PHF12: variants seen among roughly 807,000 people sequenced by gnomAD.
The protein encoded by PHF12 is PHD factor 1.
A neutral mutation model predicts 99.8 loss-of-function variants in PHF12; 6 were observed. That is an observed-to-expected ratio of 0.06 (90% CI 0.03 to 0.12). The LOEUF (loss-of-function observed/expected upper bound fraction) is 0.12. Among genes scored for constraint, PHF12 ranks in the 10% least tolerant of loss-of-function variants. The pLI is 1.00. For synonymous variants in PHF12, 480 were observed against 514.9 expected (o/e 0.93, Z 0.92); for missense variants, 954 against 1,300.1 (o/e 0.73, Z 4.09).
At position 28,949,164 on chromosome 17, in the gene PHF12, G is replaced by A. The variant is rs939390108; in HGVS notation, c.248+901C>T. On this transcript the variant is annotated intron_variant, in intron 2 of 14. Transcript: ENST00000332830. The surrounding 1 kb of genome is among the most constrained non-coding windows in gnomAD (Gnocchi z 4.6). The stretch of plus-strand genomic sequence containing the variant: ...TTAAAAATGCCTTTCTAGTGCCACC[G>A]CACACAATCCTCCCTCTGGCAGCAA... Among the ~76,000 whole-genome samples, 1 of 152,160 alleles carries A rather than the reference G, an allele frequency of 6.6e-6. No homozygotes were observed. The highest frequency in any genetic ancestry group is 1.5e-5 in the Non-Finnish European group (1 of 68,024).
chr17:28,924,310 A>C lies in PHF12; in HGVS notation c.322-8T>G. ...CTTTTTCTGCTCTCGTTTCTGTGCA[A>C]ATGAACAGGTGGGCCCATCATGAAA... On this transcript the variant is annotated splice_region_variant and splice_polypyrimidine_tract_variant and intron_variant, in intron 3 of 14. Coordinates refer to ENST00000332830, the MANE Select transcript of PHF12 (RefSeq NM_001033561.2). 6.2e-7 allele frequency: 1 copy of C among 1,614,170 alleles called. No individual in the cohort carries two copies. Among genetic ancestry groups the C allele is most frequent in the Non-Finnish European group, 8.5e-7 (1 of 1,180,032 alleles).
chr17:28,906,628 A>G lies in PHF12; in HGVS notation c.2681-111T>C. The G allele has an allele frequency of 1.5e-6, 2 of 1,297,116 alleles. No homozygotes were observed. Among genetic ancestry groups the G allele is most frequent in the Non-Finnish European group, 2.1e-6 (2 of 947,090 alleles). The allele number at this position is 1,297,116 out of a possible 1,614,324, so 80.4% of individuals were successfully genotyped here. On this transcript the variant is annotated intron_variant, in intron 14 of 14. Coordinates refer to ENST00000332830, the MANE Select transcript of PHF12 (RefSeq NM_001033561.2). The surrounding 1 kb of genome is among the most constrained non-coding windows in gnomAD (Gnocchi z 4.2). ...TCCCCATTCCAACTGCTGCATGACT[A>G]GGGAGGAAGGATGCTCAGAAAGGGT...
chr17:28,951,474 G>A lies in PHF12; in HGVS notation c.-514C>T, dbSNP rs556251645. The stretch of plus-strand genomic sequence containing the variant: ...CACTTGGCGCAAACTTACCGCGAGC[G>A]CCCGCAAAGCCACCCGCGCAGGCGC... On this transcript the variant is annotated 5_prime_UTR_variant, in exon 1 of 15. Transcript: ENST00000332830. The A allele has an allele frequency of 3.0e-6, 3 of 985,478 alleles. No individual in the cohort carries two copies. Among genetic ancestry groups the A allele is most frequent in the Non-Finnish European group, 3.6e-6 (3 of 829,952 alleles). The allele number at this position is 985,478 out of a possible 1,614,324, so 61.0% of individuals were successfully genotyped here. A position where few individuals can be genotyped will look rare whatever the true frequency, so the allele number is the denominator to read the frequency against.
intron 11 of PHF12, chr17:28,909,319 T>C (rs1598115932): frequency 1.3e-5 from 2 of 159,310 alleles, no homozygotes; most frequent in South Asian, 3.6e-4. Context: ...TAGCTCTGCA[T>C]TTCTTTTGCT....
intron 6 of PHF12, among the ~76,000 whole-genome samples, chr17:28,918,609 A>T (rs527563169): frequency 6.4e-4 from 97 of 152,268 alleles, no homozygotes; most frequent in African/African-American, 2.3e-3. Flanking sequence ...CTCCCATTCA[A>T]TCTTGTGAGT....
chr17:28,945,126 T>C (rs1306435468), intron 2 of PHF12: 1 of 152,156 alleles, frequency 6.6e-6, no homozygotes, highest in Non-Finnish European at 1.5e-5. Flanking sequence ...CCCAGCATGG[T>C]GGAATGTTCC....
chr17:28,907,047 G>A (rs1398015405), intron 13 of PHF12, 53 bp from the exon 14 acceptor site: 1 of 1,545,078 alleles, frequency 6.5e-7, no homozygotes, highest in Non-Finnish European at 8.8e-7. Flanking sequence ...GGGGCCTGGG[G>A]CTAAGGGGAG....
chr17:28,915,047 A>G (rs1366873057), intron 7 of PHF12, among the ~76,000 whole-genome samples: 1 of 152,222 alleles, frequency 6.6e-6, no homozygotes, highest in Non-Finnish European at 1.5e-5. Context: ...GAAGAGAAGC[A>G]TGTCTAAGGT....
In PHF12 at chr17:28,906,989, G is replaced by A. The variant is rs1312086096; in HGVS notation, c.2547C>T (p.Thr849=). Residue 849 remains threonine, a synonymous_variant, in exon 14 of 15, where the codon ACC becomes ACT. Transcript: ENST00000332830. This position sits in a 1 kb window ranked among gnomAD's most constrained non-coding sequence, Gnocchi z 4.2. The part of the protein sequence containing the change: ...KHACIFYDEN[T]KHYELLNYSE... ...TGTAGTTTAACAGCTCATAATGTTT[G>A]GTATTCTGAGGAGGAGGAGGGGAGA... 1 of 1,606,068 alleles carries A rather than the reference G, an allele frequency of 6.2e-7. No homozygotes were observed. Among genetic ancestry groups the A allele is most frequent in the African/African-American group, 1.3e-5 (1 of 74,714 alleles).
intron 2 of PHF12, among the ~76,000 whole-genome samples, chr17:28,946,445 C>T (rs937055197): frequency 2.6e-5 from 4 of 152,042 alleles, no homozygotes; most frequent in African/African-American, 9.7e-5. Flanking sequence ...ACAATTAAAA[C>T]AGCTTATTTG....
chr17:28,936,477 G>A (rs1257599465), intron 2 of PHF12, among the ~76,000 whole-genome samples: 1 of 152,170 alleles, frequency 6.6e-6, no homozygotes, highest in Non-Finnish European at 1.5e-5. Flanking sequence ...GGAACACTAT[G>A]TAAATAGCAT....
At chr17:28,947,028 G>A (rs1007858349) in intron 2 of PHF12, among the ~76,000 whole-genome samples, 2 of 151,960 alleles carry the variant, frequency 1.3e-5, no homozygotes, top group Non-Finnish European at 2.9e-5. Flanking sequence ...CTGTCACCTA[G>A]GCTGGGGTGC....
In PHF12 at chr17:28,923,653, CAAAA is replaced by C. The variant is rs35263191; in HGVS notation, c.715+252_715+255del. Among the ~76,000 whole-genome samples the C allele has an allele frequency of 6.4e-4, 28 of 43,484 alleles. 1 individual carries two copies. Among genetic ancestry groups the C allele is most frequent in the African/African-American group, 2.5e-3 (26 of 10,382 alleles). The allele number at this position is 43,484 out of a possible 152,430, so 28.5% of individuals were successfully genotyped here. On this transcript the variant is annotated intron_variant, in intron 4 of 14. Transcript: ENST00000332830. Reference sequence around the variant, plus strand: ...AGCCTGAGTGACAAAGTGAGACTCACAAAAAAAAAAAAAAAAAAAAAAGGAAAAA... The same window carrying C: ...AGCCTGAGTGACAAAGTGAGACTCACAAAAAAAAAAAAAAAAAAGGAAAAA...
intron 2 of PHF12, among the ~76,000 whole-genome samples, chr17:28,932,243 C>T (rs372571165): frequency 6.6e-6 from 1 of 151,408 alleles, no homozygotes; most frequent in African/African-American, 2.4e-5. Flanking sequence ...GCAGTCCTCC[C>T]ACCTCAGCCT....
intron 4 of PHF12, 128 bp downstream of exon 4, chr17:28,923,781 A>G (rs2040214041): frequency 8.5e-7 from 1 of 1,182,984 alleles, no homozygotes; most frequent in Non-Finnish European, 1.2e-6. Context: ...GATCTCTCCA[A>G]GCAGAACTAG....
intron 11 of PHF12, 178 bp from the exon 12 acceptor site, chr17:28,909,059 C>T: frequency 1.6e-6 from 1 of 618,864 alleles, no homozygotes; most frequent in Non-Finnish European, 2.9e-6. Flanking sequence ...CTCTCCCCAC[C>T]CACAGCATTT....
chr17:28,917,483 C>T (rs767683202), intron 6 of PHF12, 34 bp from the exon 7 acceptor site: 4 of 1,561,570 alleles, frequency 2.6e-6, no homozygotes, highest in South Asian at 2.4e-5. Context: ...TTGTGGTGAG[C>T]CTCAAAAGGC....
chr17:28,931,060 C>T (rs899981501), intron 2 of PHF12, among the ~76,000 whole-genome samples: 1 of 151,912 alleles, frequency 6.6e-6, no homozygotes, highest in Non-Finnish European at 1.5e-5. Context: ...GACCCTGTCT[C>T]AAAAATAACA....
chr17:28,927,529 C>T (rs1598143628), intron 2 of PHF12, among the ~76,000 whole-genome samples: 1 of 152,350 alleles, frequency 6.6e-6, no homozygotes, highest in Non-Finnish European at 1.5e-5. Context: ...AAACTCTATT[C>T]ATCCTTTCAT....
Sources: allele counts gnomAD v4.1 joint callset (sites outside exome capture counted in the v4.1 genomes callset), GRCh38; gene constraint gnomAD v4.1.1; non-coding constraint Gnocchi (gnomAD v3.1); transcripts MANE v1.5; gene names NCBI Gene and HGNC (gene_info 2026-07-23, HGNC 2026-07-21).